PAK5: variants seen among roughly 807,000 people sequenced by gnomAD.
The protein encoded by PAK5 is serine/threonine-protein kinase PAK 5.
A neutral mutation model predicts 65.9 loss-of-function variants in PAK5; 16 were observed. That is an observed-to-expected ratio of 0.24 (90% confidence interval 0.16 to 0.37). The LOEUF is 0.37. Ranked by LOEUF, PAK5 falls within the 10% of genes least tolerant of loss-of-function variation. PAK5 has a pLI of 1.00. For missense variants in PAK5, 785 were observed against 903.9 expected, an observed-to-expected ratio of 0.87 and a Z score of 1.69; for synonymous variants, 371 against 354.9, an observed-to-expected ratio of 1.05 and a Z score of -0.51.
intron 2 of PAK5, among the ~76,000 whole-genome samples, chr20:9,674,750 T>G (rs908690623): frequency 3.9e-5 from 6 of 152,222 alleles, no homozygotes; most frequent in African/African-American, 1.4e-4. Flanking sequence ...TGACCTGAGC[T>G]GGAGTCTAGT....
intron 7 of PAK5, among the ~76,000 whole-genome samples, chr20:9,547,670 A>G (rs1200626796): frequency 6.6e-6 from 1 of 152,170 alleles, no homozygotes; most frequent in Non-Finnish European, 1.5e-5. Context: ...GAGAGTGAGG[A>G]TAACTGATGA....
intron 2 of PAK5, among the ~76,000 whole-genome samples, chr20:9,696,803 G>A (rs2047875942): frequency 6.6e-6 from 1 of 151,992 alleles, no homozygotes; most frequent in Non-Finnish European, 1.5e-5. Flanking sequence ...TTTCATTTTT[G>A]TGGATTAGAA....
chr20:9,552,629 C>T (rs1428171744), intron 7 of PAK5, among the ~76,000 whole-genome samples: 1 of 151,968 alleles, frequency 6.6e-6, no homozygotes, highest in Non-Finnish European at 1.5e-5. Context: ...GATAATTTAT[C>T]TAGTCTTTTG....
chr20:9,603,731 A>G (rs2046401180), intron 3 of PAK5, among the ~76,000 whole-genome samples: 1 of 152,108 alleles, frequency 6.6e-6, no homozygotes, highest in Non-Finnish European at 1.5e-5. Context: ...ACACCCTTTG[A>G]AGTGCCTGCT....
intron 2 of PAK5, among the ~76,000 whole-genome samples, chr20:9,676,924 A>G (rs2047580823): frequency 6.6e-6 from 1 of 152,160 alleles, no homozygotes; most frequent in African/African-American, 2.4e-5. Flanking sequence ...ACTGAGTCCA[A>G]ATGGGTGTTG....
At chr20:9,660,093 A>G (rs1033913912) in intron 2 of PAK5, among the ~76,000 whole-genome samples, 9 of 152,110 alleles carry the variant, frequency 5.9e-5, no homozygotes, top group African/African-American at 2.2e-4. Flanking sequence ...GCCCACTTCT[A>G]TTGTAAAATC....
intron 2 of PAK5, among the ~76,000 whole-genome samples, chr20:9,684,542 T>G (rs1039735279): frequency 2.0e-5 from 3 of 152,242 alleles, no homozygotes; most frequent in African/African-American, 7.2e-5. Flanking sequence ...CATGTGGACA[T>G]ACTGGTTTGC....
intron 1 of PAK5, among the ~76,000 whole-genome samples, chr20:9,768,868 C>T (rs1176964974): frequency 9.3e-6 from 1 of 107,942 alleles, no homozygotes; most frequent in Non-Finnish European, 2.0e-5. Context: ...CTAACTTAAA[C>T]AAGAAGGGAG....
chr20:9,646,856 C>T (rs1051775478), intron 2 of PAK5, among the ~76,000 whole-genome samples: 1 of 152,206 alleles, frequency 6.6e-6, no homozygotes, highest in Admixed American at 6.5e-5. Context: ...CCTGTCTCCC[C>T]AGCCAGCAAC....
chr20:9,804,195 T>G lies in PAK5; in HGVS notation c.-162+34567A>C, dbSNP rs189911982. 4.5e-3 allele frequency among the ~76,000 whole-genome samples: 691 copies of G among 152,290 alleles called. 3 individuals are homozygous for G. Among genetic ancestry groups the G allele is most frequent in the South Asian group, 0.031 (148 of 4,826 alleles). The stretch of plus-strand genomic sequence containing the variant: ...AGTGATCTGTATGTTCCTTGAAGTC[T>G]GAGAGGTGCTGTCATAGTTTCTCAA... On this transcript the variant is annotated intron_variant, in intron 1 of 9. Coordinates refer to ENST00000353224, the MANE Select transcript of PAK5 (RefSeq NM_177990.4).
chr20:9,651,303 A>G (rs917684344), intron 2 of PAK5, among the ~76,000 whole-genome samples: 4 of 152,218 alleles, frequency 2.6e-5, no homozygotes, highest in Non-Finnish European at 5.9e-5. Flanking sequence ...GGCTCCTAGC[A>G]AGTGCAATCC....
chr20:9,568,881 A>G (rs1018741055), intron 4 of PAK5, among the ~76,000 whole-genome samples: 1 of 152,216 alleles, frequency 6.6e-6, no homozygotes, highest in Non-Finnish European at 1.5e-5. Context: ...TCCATGCAGC[A>G]AGAAACTGAG....
chr20:9,758,520 T>A (rs1012638868), intron 1 of PAK5, among the ~76,000 whole-genome samples: 2 of 152,160 alleles, frequency 1.3e-5, no homozygotes, highest in African/African-American at 4.8e-5. Context: ...GTACTTTGCA[T>A]AGTGGTATGC....
intron 2 of PAK5, among the ~76,000 whole-genome samples, chr20:9,693,880 T>C (rs567625455): frequency 3.3e-5 from 5 of 152,106 alleles, no homozygotes; most frequent in Non-Finnish European, 7.4e-5. Context: ...CTAATGTAAA[T>C]AATTGGATAT....
chr20:9,577,962 T>C (rs1186145674), intron 4 of PAK5, among the ~76,000 whole-genome samples: 1 of 152,184 alleles, frequency 6.6e-6, no homozygotes, highest in African/African-American at 2.4e-5. Context: ...GTCTGCAGAA[T>C]AGAGGGAGCC....
At chr20:9,752,093 A>G (rs933062262) in intron 1 of PAK5, among the ~76,000 whole-genome samples, 4 of 152,206 alleles carry the variant, frequency 2.6e-5, no homozygotes, top group African/African-American at 9.6e-5. Flanking sequence ...ACACAAAGCT[A>G]CACAGCGGAA....
chr20:9,560,785 A>C (rs2045579255), intron 6 of PAK5, among the ~76,000 whole-genome samples: 1 of 152,186 alleles, frequency 6.6e-6, no homozygotes, highest in African/African-American at 2.4e-5. Flanking sequence ...GGTGCTTGGC[A>C]CTTTCCCTTC....
At chr20:9,773,409 C>T (rs182016930) in intron 1 of PAK5, among the ~76,000 whole-genome samples, 17 of 152,098 alleles carry the variant, frequency 1.1e-4, no homozygotes, top group African/African-American at 4.1e-4. Flanking sequence ...CCACGACAGG[C>T]CCTGGTGTGT....
intron 1 of PAK5, among the ~76,000 whole-genome samples, chr20:9,803,037 A>C (rs1484682609): frequency 6.6e-6 from 1 of 151,034 alleles, no homozygotes; most frequent in Non-Finnish European, 1.5e-5. Flanking sequence ...AAGGTGCTGC[A>C]CTAAAAATAT....
Sources: allele counts gnomAD v4.1 joint callset (sites outside exome capture counted in the v4.1 genomes callset), GRCh38; gene constraint gnomAD v4.1.1; transcripts MANE v1.5; gene names NCBI Gene and HGNC (gene_info 2026-07-23, HGNC 2026-07-21).